INSR: variants seen among roughly 807,000 people sequenced by gnomAD.
INSR encodes IR.
Under a neutral mutation model 142.6 loss-of-function variants are expected in INSR, and 67 were observed. The observed-to-expected ratio is 0.47, with a 90% CI of 0.39 to 0.58. The LOEUF (loss-of-function observed/expected upper bound fraction) is 0.58. Ranked by LOEUF, INSR falls within the 20% of genes least tolerant of loss-of-function variation. INSR has a pLI of 0.00. For synonymous variants in INSR, 756 were observed against 743.1 expected, an observed-to-expected ratio of 1.02 and a Z score of -0.28; for missense variants, 1,248 against 1,833.2, an observed-to-expected ratio of 0.68 and a Z score of 5.83.
chr19:7,217,753 GT>G (rs1975480648), intron 2 of INSR, among the ~76,000 whole-genome samples: 1 of 152,146 alleles, frequency 6.6e-6, no homozygotes, highest in East Asian at 1.9e-4. Context: ...TAGAGACGGG[GT>G]TTCACCGTGT....
chr19:7,161,543 C>T (rs73503025), intron 9 of INSR, among the ~76,000 whole-genome samples: 2,741 of 152,216 alleles, frequency 0.018, 86 homozygotes, highest in African/African-American at 0.063. Flanking sequence ...AGCGCCAAGC[C>T]TGGCAGACAT....
intron 2 of INSR, among the ~76,000 whole-genome samples, chr19:7,200,085 GAAGAT>G (rs975749529): frequency 2.0e-5 from 3 of 152,148 alleles, no homozygotes; most frequent in African/African-American, 7.2e-5. Context: ...GAGAGGAATA[GAAGAT>G]TAGACCAGAG....
At position 7,128,750 on chromosome 19, in the gene INSR, A is replaced by C. The variant is rs922820947; in HGVS notation, c.2945+102T>G. On this transcript the variant is annotated intron_variant, in intron 15 of 21. Transcript: ENST00000302850. ...TGCATGTTACACATCCTATATCAGCAAAATTCATAATAAACTTAAATATGC... is the reference window on the plus strand; with the variant it reads ...TGCATGTTACACATCCTATATCAGCCAAATTCATAATAAACTTAAATATGC... The C allele has an allele frequency of 1.4e-5, 11 of 803,284 alleles. No homozygotes were observed. In the African/African-American group the frequency reaches 1.9e-4, roughly 14 times the overall value. The allele number at this position is 803,284 out of a possible 1,614,324, so 49.8% of individuals were successfully genotyped here.
At chr19:7,288,635 T>C (rs1968406261) in intron 1 of INSR, among the ~76,000 whole-genome samples, 1 of 133,292 alleles carries the variant, frequency 7.5e-6, no homozygotes, top group Non-Finnish European at 1.6e-5. Context: ...CAAAATCCTG[T>C]CTCTAAAAAG....
Position 7,119,843 on chromosome 19 carries a change from AAC to A in INSR, c.3660-262_3660-261del, listed in dbSNP as rs66587318. On this transcript the variant is annotated intron_variant, in intron 20 of 21. Coordinates refer to ENST00000302850, the MANE Select transcript of INSR (RefSeq NM_000208.4). This position sits in a 1 kb window ranked among gnomAD's most constrained non-coding sequence, Gnocchi z 5.2. Reference sequence around the variant, plus strand: ...ATACACACACAAACACACACACCCAAACACACACACGCACACACATGCAAACA... The same window carrying A: ...ATACACACACAAACACACACACCCAAACACACACGCACACACATGCAAACA... Among the ~76,000 whole-genome samples, 2 of 114,062 alleles carry A rather than the reference AAC, an allele frequency of 1.8e-5. No individual in the cohort carries two copies. Among genetic ancestry groups the A allele is most frequent in the East Asian group, 2.5e-4 (1 of 4,056 alleles). 74.8% of individuals were successfully genotyped at this position (114,062 alleles called of 152,430 possible). A position where few individuals can be genotyped will look rare whatever the true frequency, so the allele number is the denominator to read the frequency against.
Position 7,268,047 on chromosome 19 carries a change from T to C in INSR, c.101-151A>G, listed in dbSNP as rs944205974. ...CTGTAAACTCTGCAGCCAGCCGGGA[T>C]GAGTAGCTTTCTCTGTAAAGTACCC... On this transcript the variant is annotated intron_variant, in intron 1 of 21. Coordinates refer to ENST00000302850, the MANE Select transcript of INSR (RefSeq NM_000208.4). 10 of 707,766 alleles carry C rather than the reference T, an allele frequency of 1.4e-5. No homozygotes were observed. In the African/African-American group the frequency reaches 1.8e-4, roughly 13 times the overall value. The allele number at this position is 707,766 out of a possible 1,614,324, so 43.8% of individuals were successfully genotyped here. A position where few individuals can be genotyped will look rare whatever the true frequency, so the allele number is the denominator to read the frequency against.
intron 13 of INSR, among the ~76,000 whole-genome samples, chr19:7,138,244 G>A (rs962438612): frequency 6.6e-6 from 1 of 152,018 alleles, no homozygotes; most frequent in African/African-American, 2.4e-5. Flanking sequence ...GATTACAGGC[G>A]TGAGCCACTG....
intron 9 of INSR, among the ~76,000 whole-genome samples, chr19:7,154,171 T>C (rs1453479690): frequency 1.3e-4 from 20 of 151,708 alleles, no homozygotes; most frequent in East Asian, 1.9e-4. Context: ...AAAAAAATAA[T>C]AAATAAATAA....
chr19:7,213,341 CAA>C (rs11343255), intron 2 of INSR, among the ~76,000 whole-genome samples: 5,124 of 100,582 alleles, frequency 0.051, 327 homozygotes, highest in African/African-American at 0.17. Context: ...GACTCCATCT[CAA>C]AAAAAAAAAA....
At chr19:7,236,252 G>A (rs531801740) in intron 2 of INSR, among the ~76,000 whole-genome samples, 4 of 152,114 alleles carry the variant, frequency 2.6e-5, no homozygotes, top group South Asian at 2.1e-4. Context: ...ATGAGCCACC[G>A]CACCTGGCCT....
At chr19:7,262,993 T>C (rs1263819454) in intron 2 of INSR, among the ~76,000 whole-genome samples, 2 of 152,106 alleles carry the variant, frequency 1.3e-5, no homozygotes, top group Non-Finnish European at 2.9e-5. Context: ...ATGGTTAAGA[T>C]GGGGCCAGGC....
At chr19:7,278,499 C>A (rs1406312725) in intron 1 of INSR, among the ~76,000 whole-genome samples, 1 of 152,202 alleles carries the variant, frequency 6.6e-6, no homozygotes, top group African/African-American at 2.4e-5. Flanking sequence ...CCAACAATTT[C>A]CAGGGATCAT....
chr19:7,122,833 C>G (rs140583655), intron 18 of INSR, 46 bp downstream of exon 18: 3 of 1,611,806 alleles, frequency 1.9e-6, no homozygotes, highest in African/African-American at 2.7e-5. Flanking sequence ...AGGCCAGGAG[C>G]GGGTGCTCCA....
intron 11 of INSR, among the ~76,000 whole-genome samples, chr19:7,149,927 A>AGG (rs1973287278): frequency 7.1e-6 from 1 of 141,814 alleles, no homozygotes; most frequent in South Asian, 2.3e-4. Flanking sequence ...GAAAGAAGGA[A>AGG]AAAAAGAAAG....
intron 2 of INSR, among the ~76,000 whole-genome samples, chr19:7,256,892 T>G (rs377339142): frequency 1.3e-5 from 2 of 151,400 alleles, no homozygotes; most frequent in Admixed American, 6.6e-5. Context: ...AATGAGAGAT[T>G]CAAGTGGGCC....
rs1217119053 is a variant in INSR at position 7,216,613 on chromosome 19, G to A, written c.653-31976C>T. Among the ~76,000 whole-genome samples, 1 of 152,138 alleles carries A rather than the reference G, an allele frequency of 6.6e-6. No homozygotes were observed. The highest frequency in any genetic ancestry group is 1.5e-5 in the Non-Finnish European group (1 of 68,022). On this transcript the variant is annotated intron_variant, in intron 2 of 21. Coordinates refer to ENST00000302850, the MANE Select transcript of INSR (RefSeq NM_000208.4). The surrounding 1 kb of genome is among the most constrained non-coding windows in gnomAD (Gnocchi z 4.2). ...CCACGGTGTAATGGAGCCACTGCAGGTGTCCCCAGAAGCCACAGCAAGGCC... is the reference window on the plus strand; with the variant it reads ...CCACGGTGTAATGGAGCCACTGCAGATGTCCCCAGAAGCCACAGCAAGGCC...
Position 7,146,233 on chromosome 19 carries a change from G to GTTCCTTTTTTTTTTTTTTTTTTTTTTTT in INSR, c.2268-3144_2268-3143insAAAAAAAAAAAAAAAAAAAAAAAAGGAA, listed in dbSNP as rs1973181742. On this transcript the variant is annotated intron_variant, in intron 11 of 21. Transcript: ENST00000302850. ...TTGTTCAGTGCAGTATCTTTGTCAA[G>GTTCCTTTTTTTTTTTTTTTTTTTTTTTT]TTCTTTTTTTTTTTTTTTTTTTTTT... is the stretch of plus-strand genomic sequence containing the variant. Among the ~76,000 whole-genome samples the GTTCCTTTTTTTTTTTTTTTTTTTTTTTT allele has an allele frequency of 1.6e-5, 2 of 123,384 alleles. 1 individual carries two copies. The highest frequency in any genetic ancestry group is 3.3e-5 in the Non-Finnish European group (2 of 60,852). The allele number at this position is 123,384 out of a possible 152,430, so 80.9% of individuals were successfully genotyped here. A position where few individuals can be genotyped will look rare whatever the true frequency, so the allele number is the denominator to read the frequency against.
Position 7,126,667 on chromosome 19 carries a change from G to A in INSR, c.2946-16C>T, listed in dbSNP as rs189192347. 90 of 1,559,638 alleles carry A rather than the reference G, an allele frequency of 5.8e-5. No homozygotes were observed. In the African/African-American group the frequency reaches 8.1e-4, roughly 14 times the overall value. On this transcript the variant is annotated splice_polypyrimidine_tract_variant and intron_variant, in intron 15 of 21. Transcript: ENST00000302850. ...ATCTGGCTGCCTGGAGGAGGAAAAC[G>A]AGGCACGTTAGCTTGAGATTCTCAT...
At chr19:7,157,361 C>G (rs977011005) in intron 9 of INSR, among the ~76,000 whole-genome samples, 1 of 152,136 alleles carries the variant, frequency 6.6e-6, no homozygotes, top group East Asian at 1.9e-4. Context: ...GTGATCCACC[C>G]GCCTTGGCCT....
Sources: gnomAD v4.1 joint callset for allele counts (sites outside exome capture counted in the v4.1 genomes callset) on GRCh38, gnomAD v4.1.1 for gene constraint, Gnocchi (gnomAD v3.1) non-coding constraint, MANE v1.5 for transcripts, NCBI Gene and HGNC (gene_info 2026-07-23, HGNC 2026-07-21) for gene names.